Variants in IL3RA observed in about 807,000 individuals in gnomAD.
IL3RA encodes interleukin-3 receptor subunit alpha.
A neutral mutation model predicts 52.3 loss-of-function variants in IL3RA; 73 were observed. The ratio of observed to expected loss-of-function variants is 1.40; its 90% CI spans 1.16 to 1.70. IL3RA has a LOEUF of 1.70. IL3RA is among the 40% of genes most tolerant of loss of function. IL3RA has a pLI of 0.00. For synonymous variants in IL3RA, 260 were observed against 194.0 expected (o/e 1.34, Z -2.83); for missense variants, 664 against 504.4 (o/e 1.32, Z -3.03).
At chrX:1,345,006 CAAAAAAA>C (rs59723587) in intron 2 of IL3RA, among the ~76,000 whole-genome samples, 1 of 138,732 alleles carries the variant, frequency 7.2e-6, no homozygotes, top group Non-Finnish European at 1.5e-5. Flanking sequence ...ACTAAAAATA[CAAAAAAA>C]AAAAAATTAG....
At chrX:1,360,212 C>T (rs1388541450) in intron 8 of IL3RA, among the ~76,000 whole-genome samples, 1 of 143,620 alleles carries the variant, frequency 7.0e-6, no homozygotes, top group East Asian at 2.0e-4. Context: ...TCCTCCCTCC[C>T]CATCTCTTTC....
At chrX:1,379,485 G>C (rs1263600171) in intron 10 of IL3RA, among the ~76,000 whole-genome samples, 2 of 152,084 alleles carry the variant, frequency 1.3e-5, no homozygotes, top group Non-Finnish European at 2.9e-5. Flanking sequence ...AAGACCAGGG[G>C]CCAGGTCCTC....
chrX:1,343,779 T>A (rs1177281121), intron 2 of IL3RA, among the ~76,000 whole-genome samples: 1 of 149,930 alleles, frequency 6.7e-6, no homozygotes, highest in African/African-American at 2.5e-5. Flanking sequence ...TTCTTTCTTT[T>A]TTTTTTTTTT....
Position 1,365,161 on chromosome X carries a change from G to T in IL3RA, c.783G>T (p.Gln261His). Reference protein sequence around the residue: ...TEQVRDRTSFQLLNPGTYTVQ... With the variant: ...TEQVRDRTSFHLLNPGTYTVQ... ...AGGTCAGAGACAGAACCTCCTTCCA[G>T]CTACTCAATCCTGGAACGTACACAG... The change falls in exon 9 of 12, where the codon CAG (glutamine) becomes CAT (histidine). Residue 261 changes from glutamine to histidine, a missense_variant. By Grantham distance (24) the Gln-to-His change is conservative. Transcript: ENST00000331035. 1 of 1,610,568 alleles carries T rather than the reference G, an allele frequency of 6.2e-7. No individual in the cohort carries two copies. Among genetic ancestry groups the T allele is most frequent in the Non-Finnish European group, 8.5e-7 (1 of 1,178,396 alleles).
chrX:1,377,760 G>A (rs2088881878), intron 9 of IL3RA, among the ~76,000 whole-genome samples: 1 of 150,216 alleles, frequency 6.7e-6, no homozygotes, highest in Non-Finnish European at 1.5e-5. Context: ...CGACCTCCTG[G>A]GCTCAAGCGA....
intron 2 of IL3RA, among the ~76,000 whole-genome samples, chrX:1,344,529 C>A (rs2085641489): frequency 6.6e-6 from 1 of 151,634 alleles, no homozygotes; most frequent in South Asian, 2.1e-4. Context: ...AATCCCAGCA[C>A]TTTGAGAGGC....
At chrX:1,343,775 CT>C (rs763658712) in intron 2 of IL3RA, among the ~76,000 whole-genome samples, 54,324 of 128,576 alleles carry the variant, frequency 0.42, 12,312 homozygotes, top group African/African-American at 0.66. Flanking sequence ...TTCTTTCTTT[CT>C]TTTTTTTTTT....
At chrX:1,365,292 AGCGGGGTGCGCGGGGTGAGCGGGGTGC>A (rs2087853017) in intron 9 of IL3RA, 40 bp downstream of exon 9, 3 of 1,116,054 alleles carry the variant, frequency 2.7e-6, no homozygotes, top group African/African-American at 2.5e-5. Context: ...GAGCGGGGTG[AGCGGGGTGCGCGGGGTGAGCGGGGTGC>A]GCGGGGTGAG....
chrX:1,357,008 G>A (rs6645250), intron 7 of IL3RA, among the ~76,000 whole-genome samples: 1 of 152,062 alleles, frequency 6.6e-6, no homozygotes, highest in South Asian at 2.1e-4. Flanking sequence ...CTGGAGTGCA[G>A]TGGCTTAAAT....
intron 10 of IL3RA, among the ~76,000 whole-genome samples, chrX:1,379,207 G>A (rs1429564205): frequency 6.6e-6 from 1 of 151,884 alleles, no homozygotes; most frequent in African/African-American, 2.4e-5. Context: ...CCAGGCTGGA[G>A]TGCAGTGGCT....
intron 1 of IL3RA, among the ~76,000 whole-genome samples, chrX:1,338,963 C>A (rs1353381641): frequency 6.6e-6 from 1 of 151,992 alleles, no homozygotes; most frequent in Non-Finnish European, 1.5e-5. Context: ...CTACGCCTGG[C>A]TAATTTTTGT....
intron 1 of IL3RA, among the ~76,000 whole-genome samples, chrX:1,340,101 CTTTCT>C (rs1385634743): frequency 3.5e-5 from 5 of 141,674 alleles, no homozygotes; most frequent in East Asian, 2.2e-4. Context: ...GGCAGCAACT[CTTTCT>C]TTTCTTTTCT....
At chrX:1,358,932 G>A in intron 8 of IL3RA, 45 bp downstream of exon 8, 1 of 1,509,836 alleles carries the variant, frequency 6.6e-7, no homozygotes, top group Non-Finnish European at 9.0e-7. Context: ...CATTGCAAAG[G>A]GTGAGTTTTA....
chrX:1,345,064 G>A (rs1392736010), intron 2 of IL3RA, among the ~76,000 whole-genome samples: 1 of 151,288 alleles, frequency 6.6e-6, no homozygotes, highest in Non-Finnish European at 1.5e-5. Context: ...AGCTACTCGG[G>A]AGGCTGAGGC....
At chrX:1,346,311 C>G (rs546651368) in intron 3 of IL3RA, among the ~76,000 whole-genome samples, 1 of 151,848 alleles carries the variant, frequency 6.6e-6, no homozygotes. Flanking sequence ...TGGTGGTGGG[C>G]GCCTGTAATC....
chrX:1,349,269 G>A (rs373463982), intron 4 of IL3RA, among the ~76,000 whole-genome samples: 2 of 150,746 alleles, frequency 1.3e-5, no homozygotes, highest in African/African-American at 2.4e-5. Flanking sequence ...GCAACCTCTG[G>A]CTCCCGGGTT....
intron 8 of IL3RA, among the ~76,000 whole-genome samples, chrX:1,360,456 C>G (rs28793302): frequency 6.6e-6 from 1 of 151,608 alleles, no homozygotes; most frequent in East Asian, 1.9e-4. Context: ...CTCTCCTTGT[C>G]TATATCTCCC....
chrX:1,350,567 C>A (rs1485274069), intron 4 of IL3RA, among the ~76,000 whole-genome samples: 1 of 137,800 alleles, frequency 7.3e-6, no homozygotes, highest in African/African-American at 2.7e-5. Context: ...CCAGCCTGGG[C>A]AACAAGAGTG....
chrX:1,352,551 C>A, intron 6 of IL3RA, 45 bp downstream of exon 6: 7 of 1,585,784 alleles, frequency 4.4e-6, no homozygotes, highest in Non-Finnish European at 5.2e-6. Flanking sequence ...TTCTGTGATA[C>A]CACGGCTTTA....
Sources: allele counts gnomAD v4.1 joint callset (sites outside exome capture counted in the v4.1 genomes callset), GRCh38; gene constraint gnomAD v4.1.1; transcripts MANE v1.5; gene names NCBI Gene and HGNC (gene_info 2026-07-23, HGNC 2026-07-21).